PCDHGA4: variants seen among roughly 807,000 people sequenced by gnomAD.
PCDHGA4 encodes the protein protocadherin gamma-A4.
A neutral mutation model predicts 54.6 loss-of-function variants in PCDHGA4; 38 were observed. That is an observed-to-expected ratio of 0.70 (90% CI 0.54 to 0.91). PCDHGA4 has a LOEUF of 0.91. PCDHGA4 is among the 40% of genes least tolerant of loss of function. The probability of loss-of-function intolerance (pLI) is 0.00; values close to 1 mark genes in which losing one functional copy is unlikely to be tolerated. For synonymous variants in PCDHGA4, 511 were observed against 512.9 expected (o/e 1.00, Z 0.05); for missense variants, 1,298 against 1,220.9 (o/e 1.06, Z -0.94).
intron 1 of PCDHGA4, chr5:141,420,083 A>C (rs2096465782): frequency 2.5e-6 from 4 of 1,614,020 alleles, no homozygotes; most frequent in Non-Finnish European, 3.4e-6. Context: ...GGGTCCCCCC[A>C]ACTACAGTGA....
Position 141,355,445 on chromosome 5 carries a change from G to T in PCDHGA4, c.338G>T (p.Gly113Val), listed in dbSNP as rs1309523681. The T allele has an allele frequency of 1.2e-6, 2 of 1,614,106 alleles. No individual in the cohort carries two copies. Among genetic ancestry groups the T allele is most frequent in the East Asian group, 2.2e-5 (1 of 44,886 alleles). Residue 113 changes from glycine (G) to valine (V), a missense_variant, in exon 1 of 4, where the codon GGC (glycine) becomes GTC (valine). Coordinates refer to ENST00000571252, the MANE Select transcript of PCDHGA4 (RefSeq NM_018917.4). ...CTTTTCGCCCTGAACCCGCGCAGCGGCACCTTGGTCACCGCGGGTAGGATA... is the reference window on the plus strand; with the variant it reads ...CTTTTCGCCCTGAACCCGCGCAGCGTCACCTTGGTCACCGCGGGTAGGATA... ...TQLFALNPRSGTLVTAGRIDR... is the reference protein window; with the variant it reads ...TQLFALNPRSVTLVTAGRIDR...
chr5:141,361,468 G>A (rs781508901), intron 1 of PCDHGA4: 5 of 1,614,008 alleles, frequency 3.1e-6, no homozygotes, highest in East Asian at 2.2e-5. Context: ...CATCTCCGAC[G>A]TCAACGATAA....
intron 1 of PCDHGA4, among the ~76,000 whole-genome samples, chr5:141,454,065 G>A (rs1167102666): frequency 1.3e-5 from 2 of 152,204 alleles, no homozygotes; most frequent in Non-Finnish European, 2.9e-5. Flanking sequence ...AGAAACAAAA[G>A]TGATAATGTT....
At chr5:141,414,245 T>A in intron 1 of PCDHGA4, 2 of 1,613,498 alleles carry the variant, frequency 1.2e-6, no homozygotes, top group Non-Finnish European at 1.7e-6. Context: ...ACGTCTCTAT[T>A]TAGTCCAGTG....
chr5:141,394,868 C>G lies in PCDHGA4; in HGVS notation c.2514+37247C>G, dbSNP rs1159006718. On this transcript the variant is annotated intron_variant, in intron 1 of 3. Coordinates refer to ENST00000571252, the MANE Select transcript of PCDHGA4 (RefSeq NM_018917.4). ...GTCTGAAGCCTTCGGTCGACCCGAA[C>G]GATTCGAGCCTTACACTCTATCTCG... The G allele has an allele frequency of 1.7e-5, 27 of 1,613,710 alleles. No homozygotes were observed. In the African/African-American group the frequency reaches 1.7e-4, roughly 10 times the overall value.
intron 1 of PCDHGA4, among the ~76,000 whole-genome samples, chr5:141,369,619 C>T (rs1197396001): frequency 6.6e-6 from 1 of 152,170 alleles, no homozygotes; most frequent in African/African-American, 2.4e-5. Context: ...CAATCATTTC[C>T]TCATTACCTT....
intron 1 of PCDHGA4, among the ~76,000 whole-genome samples, chr5:141,429,535 T>TG (rs1278730394): frequency 2.0e-5 from 3 of 152,168 alleles, no homozygotes; most frequent in Non-Finnish European, 4.4e-5. Flanking sequence ...CTTAAAAAAA[T>TG]AAGAACATGG....
intron 1 of PCDHGA4, chr5:141,413,176 A>T: frequency 6.2e-7 from 1 of 1,601,892 alleles, no homozygotes; most frequent in Non-Finnish European, 8.5e-7. Context: ...CCAGACTACA[A>T]TGGCCGCTCA....
At chr5:141,423,734 T>C in intron 1 of PCDHGA4, 1 of 969,626 alleles carries the variant, frequency 1.0e-6, no homozygotes, top group Non-Finnish European at 1.3e-6. Flanking sequence ...TTTTTGAGCC[T>C]GTTATGAAAA....
chr5:141,410,215 A>G (rs2095369286), intron 1 of PCDHGA4: 11 of 1,613,894 alleles, frequency 6.8e-6, no homozygotes, highest in Non-Finnish European at 8.5e-6. Flanking sequence ...TGCAAGAGAT[A>G]CTGCCAGACC....
intron 1 of PCDHGA4, chr5:141,418,003 G>T (rs1441842557): frequency 6.2e-7 from 1 of 1,613,798 alleles, no homozygotes; most frequent in Non-Finnish European, 8.5e-7. Context: ...CGGTGGTGGG[G>T]AACCTCGCTA....
Position 141,432,732 on chromosome 5 carries a change from T to G in PCDHGA4, c.2515-62075T>G, listed in dbSNP as rs1300743675. 2.5e-6 allele frequency: 4 copies of G among 1,613,940 alleles called. No individual in the cohort carries two copies. Among genetic ancestry groups the G allele is most frequent in the Non-Finnish European group, 3.4e-6 (4 of 1,179,992 alleles). On this transcript the variant is annotated intron_variant, in intron 1 of 3. Coordinates refer to ENST00000571252, the MANE Select transcript of PCDHGA4 (RefSeq NM_018917.4). This position sits in a 1 kb window ranked among gnomAD's most constrained non-coding sequence, Gnocchi z 6.0. ...GGCCAGCCCCCTCTCTCCGCCACTG[T>G]CACGCTCACCGTGGCCGTGGCCGAC...
intron 1 of PCDHGA4, among the ~76,000 whole-genome samples, chr5:141,368,537 T>C (rs1023071907): frequency 6.6e-6 from 1 of 152,224 alleles, no homozygotes; most frequent in Non-Finnish European, 1.5e-5. Context: ...AACTTGCTTT[T>C]CCATTTTTTT....
chr5:141,382,961 G>A (rs749724133), intron 1 of PCDHGA4: 14 of 1,607,564 alleles, frequency 8.7e-6, no homozygotes, highest in Non-Finnish European at 1.2e-5. Flanking sequence ...ATCCTCCTGG[G>A]GACCCCCTGG....
intron 1 of PCDHGA4, among the ~76,000 whole-genome samples, chr5:141,380,434 T>C (rs919623948): frequency 6.6e-6 from 1 of 152,208 alleles, no homozygotes; most frequent in South Asian, 2.1e-4. Flanking sequence ...AGACTTTACA[T>C]AGAATTCTTT....
chr5:141,364,955 G>T (rs267600453), intron 1 of PCDHGA4: 1 of 1,613,906 alleles, frequency 6.2e-7, no homozygotes, highest in East Asian at 2.2e-5. Context: ...GACTGTTCAC[G>T]ACCTCCTCCT....
At chr5:141,357,700 A>AC in intron 1 of PCDHGA4, 79 bp downstream of exon 1, 1 of 1,496,044 alleles carries the variant, frequency 6.7e-7, no homozygotes, top group Non-Finnish European at 9.0e-7. Context: ...TTTTATATGT[A>AC]ATATATCAAA....
Position 141,490,400 on chromosome 5 carries a change from T to A in PCDHGA4, c.2515-4407T>A. On this transcript the variant is annotated intron_variant, in intron 1 of 3. Coordinates refer to ENST00000571252, the MANE Select transcript of PCDHGA4 (RefSeq NM_018917.4). This position sits in a 1 kb window ranked among gnomAD's most constrained non-coding sequence, Gnocchi z 5.4. ...TCAGGTAGAAATGGTGAAGTGAGCC[T>A]TGATATCTCTCCGGACCTGCCATTT... The A allele has an allele frequency of 6.2e-7, 1 of 1,614,202 alleles. No homozygotes were observed. Among genetic ancestry groups the A allele is most frequent in the Non-Finnish European group, 8.5e-7 (1 of 1,180,032 alleles).
chr5:141,369,694 A>G (rs925359882), intron 1 of PCDHGA4, among the ~76,000 whole-genome samples: 1 of 152,246 alleles, frequency 6.6e-6, no homozygotes, highest in Non-Finnish European at 1.5e-5. Flanking sequence ...AATAAAACTA[A>G]AAGCTATGAC....
Sources: allele counts gnomAD v4.1 joint callset (sites outside exome capture counted in the v4.1 genomes callset), GRCh38; gene constraint gnomAD v4.1.1; non-coding constraint Gnocchi (gnomAD v3.1); transcripts MANE v1.5; gene names NCBI Gene and HGNC (gene_info 2026-07-23, HGNC 2026-07-21).